ARID3A: variants seen among roughly 807,000 people sequenced by gnomAD.
ARID3A encodes the protein AT-rich interaction domain 3A, also known as AT-rich interactive domain-containing protein 3A.
In ARID3A, 11 loss-of-function variants were observed where a neutral mutation model predicts 52.7. That is an observed-to-expected ratio of 0.21 (90% CI 0.13 to 0.35). The LOEUF (loss-of-function observed/expected upper bound fraction) is 0.35, where lower values mean the gene tolerates loss of function less well. Ranked by LOEUF, ARID3A falls within the 10% of genes least tolerant of loss-of-function variation. The pLI, the probability that ARID3A is intolerant of heterozygous loss-of-function variation, is 1.00. For synonymous variants in ARID3A, 404 were observed against 359.4 expected (o/e 1.12, Z -1.40); for missense variants, 721 against 838.5 (o/e 0.86, Z 1.73).
intron 3 of ARID3A, among the ~76,000 whole-genome samples, chr19:940,756 C>T (rs1243909799): frequency 5.3e-5 from 8 of 152,256 alleles, no homozygotes; most frequent in Admixed American, 6.5e-5. Context: ...GCCCTGGTGC[C>T]GGCGTCTTCC....
chr19:952,014 G>A (rs1454518336), intron 3 of ARID3A, among the ~76,000 whole-genome samples: 4 of 152,130 alleles, frequency 2.6e-5, no homozygotes, highest in Non-Finnish European at 5.9e-5. Flanking sequence ...GGTGGCACGT[G>A]CCGGTAATCC....
intron 3 of ARID3A, among the ~76,000 whole-genome samples, chr19:933,563 A>G (rs1462400657): frequency 6.6e-6 from 1 of 152,016 alleles, no homozygotes; most frequent in African/African-American, 2.4e-5. Flanking sequence ...AGGGAGGTGG[A>G]TGATGGACAC....
intron 6 of ARID3A, among the ~76,000 whole-genome samples, 160 bp from the exon 7 acceptor site, chr19:966,412 C>G (rs551880031): frequency 6.8e-6 from 1 of 148,054 alleles, no homozygotes; most frequent in African/African-American, 2.5e-5. Flanking sequence ...GAGCTGAGAT[C>G]GCACCATTGC....
rs951435776 is a variant in ARID3A at position 937,699 on chromosome 19, CTTTTTTTTTT to C, written c.693+4973_693+4982del. Among the ~76,000 whole-genome samples, 6 of 90,800 alleles carry C rather than the reference CTTTTTTTTTT, an allele frequency of 6.6e-5. No homozygotes were observed. In the South Asian group the frequency reaches 2.1e-3, roughly 31 times the overall value. 59.6% of individuals were successfully genotyped at this position (90,800 alleles called of 152,430 possible). A position where few individuals can be genotyped will look rare whatever the true frequency, so the allele number is the denominator to read the frequency against. On this transcript the variant is annotated intron_variant, in intron 3 of 8. Transcript: ENST00000263620. ...CATCCTCACCACTTGTTATTGTCGA[CTTTTTTTTTT>C]TTTTTTTTTTTTTTTGAGACAGAGT...
chr19:949,507 C>T (rs372195335), intron 3 of ARID3A, among the ~76,000 whole-genome samples: 20 of 152,012 alleles, frequency 1.3e-4, no homozygotes, highest in African/African-American at 4.8e-4. Context: ...CTTCTTACGG[C>T]CTCTTTCTTT....
At chr19:957,082 T>G (rs1295268195) in intron 3 of ARID3A, among the ~76,000 whole-genome samples, 2 of 146,252 alleles carry the variant, frequency 1.4e-5, no homozygotes, top group Non-Finnish European at 1.5e-5. Flanking sequence ...CCTGCCGGCT[T>G]TCCCCCACCC....
Position 973,066 on chromosome 19 carries a change from G to A in ARID3A, c.*1001G>A, listed in dbSNP as rs1011069386. The A allele has an allele frequency of 3.1e-4, 56 of 179,808 alleles. No individual in the cohort carries two copies. Among genetic ancestry groups the A allele is most frequent in the African/African-American group, 1.2e-3 (50 of 40,600 alleles). The allele number at this position is 179,808 out of a possible 1,614,324, so 11.1% of individuals were successfully genotyped here. A position where few individuals can be genotyped will look rare whatever the true frequency, so the allele number is the denominator to read the frequency against. On this transcript the variant is annotated 3_prime_UTR_variant, in exon 9 of 9. Coordinates refer to ENST00000263620, the MANE Select transcript of ARID3A (RefSeq NM_005224.3). ...ATTCCACGATGCTTTTGCTTGTGCC[G>A]TGCTTGTCTGCTGGGCTCTCGAGTC...
rs939979663 is a variant in ARID3A at position 973,007 on chromosome 19, C to T, written c.*942C>T. The T allele has an allele frequency of 4.9e-5, 10 of 203,324 alleles. No individual in the cohort carries two copies. Among genetic ancestry groups the T allele is most frequent in the Admixed American group, 3.6e-4 (6 of 16,654 alleles). The allele number at this position is 203,324 out of a possible 1,614,324, so 12.6% of individuals were successfully genotyped here. ...GGGTGCATGCTGGGGTCCCACCGGC[C>T]AGGGGCCCCTGACAGTGAATTGCTG... On this transcript the variant is annotated 3_prime_UTR_variant, in exon 9 of 9. Transcript: ENST00000263620.
At position 938,302 on chromosome 19, in the gene ARID3A, G is replaced by A. The variant is rs559013286; in HGVS notation, c.693+5560G>A. Among the ~76,000 whole-genome samples, 10 of 152,348 alleles carry A rather than the reference G, an allele frequency of 6.6e-5. No homozygotes were observed. Among genetic ancestry groups the A allele is most frequent in the African/African-American group, 2.2e-4 (9 of 41,576 alleles). ...TGAGCTCAGAGGTGTAGGAATGACG[G>A]CACTAGCCGGTATCTGTTGCTTCAC... On this transcript the variant is annotated intron_variant, in intron 3 of 8. Transcript: ENST00000263620. This position sits in a 1 kb window ranked among gnomAD's most constrained non-coding sequence, Gnocchi z 4.0.
At chr19:932,837 C>T (rs545450367) in intron 3 of ARID3A, 95 bp downstream of exon 3, 33 of 1,501,128 alleles carry the variant, frequency 2.2e-5, no homozygotes, top group Middle Eastern at 2.4e-4. Context: ...TGTGCTGAGC[C>T]GGGCGTCGAG....
At position 947,218 on chromosome 19, in the gene ARID3A, C is replaced by T. The variant is rs760343440; in HGVS notation, c.694-12874C>T. ...CGTCAGCCCAGATCTGTGTCTGTGTCTGCATCTGTGAAACGGGTTTCCTGG... is the reference window on the plus strand; with the variant it reads ...CGTCAGCCCAGATCTGTGTCTGTGTTTGCATCTGTGAAACGGGTTTCCTGG... On this transcript the variant is annotated intron_variant, in intron 3 of 8. Coordinates refer to ENST00000263620, the MANE Select transcript of ARID3A (RefSeq NM_005224.3). This position sits in a 1 kb window ranked among gnomAD's most constrained non-coding sequence, Gnocchi z 6.3. Among the ~76,000 whole-genome samples, 1 of 152,178 alleles carries T rather than the reference C, an allele frequency of 6.6e-6. No homozygotes were observed. Among genetic ancestry groups the T allele is most frequent in the Non-Finnish European group, 1.5e-5 (1 of 68,004 alleles).
chr19:960,737 C>T lies in ARID3A; in HGVS notation c.766+573C>T, dbSNP rs576550897. ...CAGTCCCTGCCCAAAACTCAGTGGC[C>T]AGCAGGTACCCCAGATGTGCTGAGT... On this transcript the variant is annotated intron_variant, in intron 4 of 8. Coordinates refer to ENST00000263620, the MANE Select transcript of ARID3A (RefSeq NM_005224.3). The surrounding 1 kb of genome is among the most constrained non-coding windows in gnomAD (Gnocchi z 4.3). 6.6e-6 allele frequency among the ~76,000 whole-genome samples: 1 copy of T among 152,264 alleles called. No individual in the cohort carries two copies. Among genetic ancestry groups the T allele is most frequent in the South Asian group, 2.1e-4 (1 of 4,830 alleles).
At chr19:946,163 G>C (rs12611059) in intron 3 of ARID3A, among the ~76,000 whole-genome samples, 26,470 of 152,010 alleles carry the variant, frequency 0.17, 2,455 homozygotes, top group East Asian at 0.29. Flanking sequence ...CGGCCGCGTG[G>C]AGTGGCAGGT....
chr19:953,327 G>A (rs1245651868), intron 3 of ARID3A, among the ~76,000 whole-genome samples: 1 of 152,116 alleles, frequency 6.6e-6, no homozygotes, highest in Non-Finnish European at 1.5e-5. Context: ...AGGGCTGGGG[G>A]GTGGCGGTTA....
In ARID3A at chr19:937,788, C is replaced by T. The variant is rs964505339; in HGVS notation, c.693+5046C>T. On this transcript the variant is annotated intron_variant, in intron 3 of 8. Coordinates refer to ENST00000263620, the MANE Select transcript of ARID3A (RefSeq NM_005224.3). ...ATGGGGCGATCTCGGCTCACTGCAA[C>T]CTCCACCTCCCGGGTTCACGCCATT... Among the ~76,000 whole-genome samples, 4 of 147,498 alleles carry T rather than the reference C, an allele frequency of 2.7e-5. No homozygotes were observed. In the Admixed American group the frequency reaches 2.8e-4, roughly 10 times the overall value.
rs2037287552 is a variant in ARID3A, at chr19:929,978, A to G, written c.368+82A>G. On this transcript the variant is annotated intron_variant, in intron 2 of 8. Transcript: ENST00000263620. This position sits in a 1 kb window ranked among gnomAD's most constrained non-coding sequence, Gnocchi z 6.2. ...CTCTGCTCATCTGCAGAATGGGAGT[A>G]AGGGTCAGGTCGCGGGATCTCCTTC... 3 of 1,508,748 alleles carry G rather than the reference A, an allele frequency of 2.0e-6. No individual in the cohort carries two copies. The African/African-American group carries it at 4.2e-5, about 21-fold the overall frequency. The allele number at this position is 1,508,748 out of a possible 1,614,324, so 93.5% of individuals were successfully genotyped here. A position where few individuals can be genotyped will look rare whatever the true frequency, so the allele number is the denominator to read the frequency against.
At chr19:958,679 G>A (rs1489873306) in intron 3 of ARID3A, among the ~76,000 whole-genome samples, 1 of 151,996 alleles carries the variant, frequency 6.6e-6, no homozygotes, top group African/African-American at 2.4e-5. Context: ...GGATCACGAG[G>A]TCAGGAGATC....
At chr19:965,753 A>G (rs1488811551) in intron 6 of ARID3A, among the ~76,000 whole-genome samples, 1 of 151,996 alleles carries the variant, frequency 6.6e-6, no homozygotes, top group Non-Finnish European at 1.5e-5. Context: ...GCACTTTGGG[A>G]GGCTGAGGCA....
In ARID3A at chr19:929,662, A is replaced by G; in HGVS notation, c.134A>G (p.Glu45Gly). The G allele has an allele frequency of 3.2e-6, 5 of 1,549,036 alleles. No individual in the cohort carries two copies. Among genetic ancestry groups the G allele is most frequent in the Non-Finnish European group, 4.3e-6 (5 of 1,155,394 alleles). The change falls in exon 2 of 9, where the codon GAG (glutamate) becomes GGG (glycine). Residue 45 changes from glutamate (E) to glycine (G), a missense_variant. Coordinates refer to ENST00000263620, the MANE Select transcript of ARID3A (RefSeq NM_005224.3). The surrounding 1 kb of genome is among the most constrained non-coding windows in gnomAD (Gnocchi z 6.2). ...GGCCGGGCCCGGGCTGCCCCCGACG[A>G]GGACAGAGAGCCCGAGAGTGCCCGG... ...PPGRARAAPD[E>G]DREPESARMQ...
Sources: allele counts gnomAD v4.1 joint callset (sites outside exome capture counted in the v4.1 genomes callset), GRCh38; gene constraint gnomAD v4.1.1; non-coding constraint Gnocchi (gnomAD v3.1); transcripts MANE v1.5; gene names NCBI Gene and HGNC (gene_info 2026-07-23, HGNC 2026-07-21).